The following JAKMIP3 variants were observed in gnomAD, a reference collection of about 807,000 sequenced individuals.
JAKMIP3 encodes the protein Janus kinase and microtubule interacting protein 3.
Under a neutral mutation model 118.5 loss-of-function variants are expected in JAKMIP3, and 58 were observed. The ratio of observed to expected loss-of-function variants is 0.49; its 90% CI spans 0.40 to 0.61. The LOEUF is 0.61. Among genes scored for constraint, JAKMIP3 ranks in the 20% least tolerant of loss-of-function variants. The pLI, the probability that JAKMIP3 is intolerant of heterozygous loss-of-function variation, is 0.00. For synonymous variants in JAKMIP3, 486 were observed against 451.2 expected (o/e 1.08, Z -0.98); for missense variants, 950 against 1,109.0 (o/e 0.86, Z 2.04).
intron 1 of JAKMIP3, among the ~76,000 whole-genome samples, chr10:132,042,964 C>T (rs1317205600): frequency 6.7e-6 from 1 of 149,964 alleles, no homozygotes; most frequent in African/African-American, 2.5e-5. Flanking sequence ...TATGGTGGCA[C>T]GTTCTTGAGG....
chr10:132,055,252 A>C (rs942823467), intron 1 of JAKMIP3, among the ~76,000 whole-genome samples: 7 of 152,174 alleles, frequency 4.6e-5, no homozygotes, highest in African/African-American at 1.7e-4. Flanking sequence ...ACTCTTTTCA[A>C]GACCTTTACA....
At chr10:132,037,578 G>A (rs955206805) in intron 1 of JAKMIP3, among the ~76,000 whole-genome samples, 1 of 152,156 alleles carries the variant, frequency 6.6e-6, no homozygotes, top group Admixed American at 6.5e-5. Context: ...AGGATTAAAC[G>A]CAGGGGTCAA....
chr10:132,136,179 C>T (rs973633258), intron 6 of JAKMIP3, 103 bp downstream of exon 6: 26 of 1,301,832 alleles, frequency 2.0e-5, no homozygotes, highest in Admixed American at 4.4e-5. Context: ...CGGTCCCGGG[C>T]GGGTGGCCAG....
At chr10:132,115,038 T>G (rs1323323742) in intron 2 of JAKMIP3, among the ~76,000 whole-genome samples, 1 of 152,248 alleles carries the variant, frequency 6.6e-6, no homozygotes, top group Non-Finnish European at 1.5e-5. Context: ...GTGGCTGCTG[T>G]GATCGGGCGA....
At chr10:132,124,789 T>C (rs1228855755) in intron 3 of JAKMIP3, among the ~76,000 whole-genome samples, 1 of 152,228 alleles carries the variant, frequency 6.6e-6, no homozygotes, top group Non-Finnish European at 1.5e-5. Context: ...GTGTGGTAGG[T>C]CGGGCAGCTG....
At chr10:132,153,327 C>T (rs574090193) in intron 17 of JAKMIP3, among the ~76,000 whole-genome samples, 6 of 152,344 alleles carry the variant, frequency 3.9e-5, no homozygotes, top group African/African-American at 1.4e-4. Flanking sequence ...ACCCTGACCC[C>T]CTTCTGGGGC....
chr10:132,057,636 G>A (rs1441495044), intron 1 of JAKMIP3, among the ~76,000 whole-genome samples: 2 of 152,250 alleles, frequency 1.3e-5, no homozygotes, highest in African/African-American at 4.8e-5. Flanking sequence ...CCCTGCACGT[G>A]TGTGTTCTCC....
At chr10:132,061,250 ACACACC>A (rs2038388700), upstream of JAKMIP3, among the ~76,000 whole-genome samples, 1 of 149,806 alleles carries the variant, frequency 6.7e-6, no homozygotes, top group African/African-American at 2.4e-5. Context: ...CGGCGCACAC[ACACACC>A]TGCCGTGATG....
rs186456032 is a variant in JAKMIP3 at position 132,102,564 on chromosome 10, G to A, written c.-137-2108G>A. On this transcript the variant is annotated intron_variant, in intron 1 of 23. Coordinates refer to ENST00000684848, the MANE Select transcript of JAKMIP3 (RefSeq NM_001323087.2). ...GGCCCTGCAGGGTGAGACGTGCCCAGCCTCTTCCCAGTTCACCTGTCAGCC... is the reference window on the plus strand; with the variant it reads ...GGCCCTGCAGGGTGAGACGTGCCCAACCTCTTCCCAGTTCACCTGTCAGCC... Among the ~76,000 whole-genome samples the A allele has an allele frequency of 2.0e-5, 3 of 152,344 alleles. No homozygotes were observed. The East Asian group carries it at 5.8e-4, about 29-fold the overall frequency.
intron 1 of JAKMIP3, among the ~76,000 whole-genome samples, chr10:132,069,035 G>T (rs10735663): frequency 0.64 from 97,121 of 151,978 alleles, 31,257 homozygotes; most frequent in South Asian, 0.76. Flanking sequence ...GAGTTCGAGG[G>T]GAGCGCCTTT....
chr10:132,180,592 TGTGTGCGTGC>T lies in JAKMIP3; in HGVS notation c.*1104-1763_*1104-1754del, dbSNP rs1229913419. Among the ~76,000 whole-genome samples, 37 of 22,752 alleles carry T rather than the reference TGTGTGCGTGC, an allele frequency of 1.6e-3. 3 individuals carry two copies. The highest frequency in any genetic ancestry group is 0.011 in the South Asian group (6 of 560). 14.9% of individuals were successfully genotyped at this position (22,752 alleles called of 152,430 possible). ...GCGTGTGTGTGTGCGTGCGCGTGTG[TGTGTGCGTGC>T]GCGTGTGTGTGTGCGTGTGTGTGCG... On this transcript the variant is annotated intron_variant, in intron 23 of 23. Transcript: ENST00000684848.
In JAKMIP3 at chr10:132,167,022, C is replaced by T; in HGVS notation, c.2530C>T (p.Leu844Phe). 6.5e-7 allele frequency: 1 copy of T among 1,550,296 alleles called. No homozygotes were observed. Among genetic ancestry groups the T allele is most frequent in the Non-Finnish European group, 8.7e-7 (1 of 1,145,896 alleles). ...LFLFFSLAFI[L>F]WS ...CTTATTTTTCTCCTTAGCTTTCATT[C>T]TCTGGTCATAGTCCGTCTTGGCACC... The change falls in exon 22 of 24, where the codon CTC becomes TTC. Residue 844 changes from leucine (L) to phenylalanine (F), a missense_variant. Coordinates refer to ENST00000684848, the MANE Select transcript of JAKMIP3 (RefSeq NM_001323087.2).
At chr10:132,113,464 G>A (rs1028540839) in intron 2 of JAKMIP3, among the ~76,000 whole-genome samples, 22 of 152,232 alleles carry the variant, frequency 1.4e-4, no homozygotes, top group African/African-American at 5.1e-4. Context: ...TAATGATAAG[G>A]AACAAAGCGG....
At chr10:132,145,466 G>A (rs2054413567) in intron 12 of JAKMIP3, 52 bp from the exon 13 acceptor site, 7 of 1,483,170 alleles carry the variant, frequency 4.7e-6, no homozygotes, top group African/African-American at 1.4e-5. Context: ...TTAAACGTTG[G>A]TTTATGAGTT....
chr10:132,165,269 A>G (rs1056060670), intron 21 of JAKMIP3, among the ~76,000 whole-genome samples: 6 of 152,170 alleles, frequency 3.9e-5, no homozygotes, highest in African/African-American at 1.4e-4. Context: ...TGCTCTGTCC[A>G]TGCACATAAC....
chr10:132,147,071 T>A (rs1220965789), intron 13 of JAKMIP3, among the ~76,000 whole-genome samples: 1 of 152,230 alleles, frequency 6.6e-6, no homozygotes, highest in Admixed American at 6.5e-5. Flanking sequence ...TGTGCACACT[T>A]GGAGCCATGC....
At position 132,180,772 on chromosome 10, in the gene JAKMIP3, T is replaced by C. The variant is rs200013314; in HGVS notation, c.*1104-1585T>C. ...GCGCGCGTGTGTGCGTGTGTGTGCG[T>C]GTGTGTGTGTGCGCGTATGCATGTG... is the stretch of plus-strand genomic sequence containing the variant. On this transcript the variant is annotated intron_variant, in intron 23 of 23. Coordinates refer to ENST00000684848, the MANE Select transcript of JAKMIP3 (RefSeq NM_001323087.2). Among the ~76,000 whole-genome samples the C allele has an allele frequency of 7.1e-4, 45 of 63,684 alleles. 11 individuals are homozygous for C. The highest frequency in any genetic ancestry group is 2.1e-3 in the African/African-American group (25 of 12,172). 41.8% of individuals were successfully genotyped at this position (63,684 alleles called of 152,430 possible).
chr10:132,163,024 C>T lies in JAKMIP3; in HGVS notation c.2221-185C>T, dbSNP rs369786069. Reference sequence around the variant, plus strand: ...AGCGTCTCTGCTTCTAGGGTCTTCTCACAGACTGGGGAGGTCCGTGGGGCC... The same window carrying T: ...AGCGTCTCTGCTTCTAGGGTCTTCTTACAGACTGGGGAGGTCCGTGGGGCC... On this transcript the variant is annotated intron_variant, in intron 19 of 23. Coordinates refer to ENST00000684848, the MANE Select transcript of JAKMIP3 (RefSeq NM_001323087.2). Among the ~76,000 whole-genome samples the T allele has an allele frequency of 3.3e-5, 5 of 152,236 alleles. No individual in the cohort carries two copies. The East Asian group carries it at 9.6e-4, about 29-fold the overall frequency.
At chr10:132,069,269 G>T (rs559544256) in intron 1 of JAKMIP3, among the ~76,000 whole-genome samples, 1 of 152,262 alleles carries the variant, frequency 6.6e-6, no homozygotes, top group East Asian at 1.9e-4. Context: ...GAGGCCAGGG[G>T]AGGGGTCTGG....
Sources: gnomAD v4.1 joint callset for allele counts (sites outside exome capture counted in the v4.1 genomes callset) on GRCh38, gnomAD v4.1.1 for gene constraint, MANE v1.5 for transcripts, NCBI Gene and HGNC (gene_info 2026-07-23, HGNC 2026-07-21) for gene names.